Variants in ARHGEF4 observed in about 807,000 individuals in gnomAD.
ARHGEF4 encodes the protein Rho guanine nucleotide exchange factor 4, also known as APC-stimulated guanine nucleotide exchange factor 1.
A neutral mutation model predicts 162.0 loss-of-function variants in ARHGEF4; 119 were observed. That is an observed-to-expected ratio of 0.73 (90% CI 0.63 to 0.86). The LOEUF is 0.86. Among genes scored for constraint, ARHGEF4 ranks in the 40% least tolerant of loss-of-function variants. ARHGEF4 has a pLI of 0.00. For missense variants in ARHGEF4, 2,488 were observed against 2,456.0 expected (o/e 1.01, Z -0.28); for synonymous variants, 1,014 against 979.9 (o/e 1.03, Z -0.65).
At chr2:131,034,088 T>C (rs1690052686) in intron 5 of ARHGEF4, among the ~76,000 whole-genome samples, 1 of 152,166 alleles carries the variant, frequency 6.6e-6, no homozygotes, top group Non-Finnish European at 1.5e-5. Context: ...GGCCAAGAGC[T>C]GGCCACACAC....
intron 1 of ARHGEF4, among the ~76,000 whole-genome samples, chr2:130,846,826 G>A (rs1574086714): frequency 6.6e-6 from 1 of 152,134 alleles, no homozygotes; most frequent in African/African-American, 2.4e-5. Flanking sequence ...ACATGAGTCC[G>A]GAGAGTCTTG....
chr2:130,866,064 T>C (rs1302930308), intron 1 of ARHGEF4, among the ~76,000 whole-genome samples: 1 of 152,092 alleles, frequency 6.6e-6, no homozygotes, highest in African/African-American at 2.4e-5. Context: ...AGGAAAACTT[T>C]AGGGTCGAAT....
chr2:130,922,480 T>G (rs1325626093), intron 2 of ARHGEF4, among the ~76,000 whole-genome samples: 1 of 152,138 alleles, frequency 6.6e-6, no homozygotes, highest in East Asian at 1.9e-4. Context: ...AGGCTCAAAT[T>G]TTTTAAAGAA....
intron 4 of ARHGEF4, among the ~76,000 whole-genome samples, chr2:130,983,344 T>G (rs986896065): frequency 2.0e-5 from 3 of 152,236 alleles, no homozygotes; most frequent in Non-Finnish European, 4.4e-5. Context: ...TCAGCTGTTT[T>G]CATTAAACCA....
chr2:131,010,437 G>A (rs569402928), intron 4 of ARHGEF4, among the ~76,000 whole-genome samples: 4 of 152,314 alleles, frequency 2.6e-5, no homozygotes, highest in African/African-American at 9.6e-5. Context: ...TTGTCTGATA[G>A]TAGCCATTCC....
chr2:130,873,204 C>T (rs1678602036), intron 1 of ARHGEF4, among the ~76,000 whole-genome samples: 1 of 152,004 alleles, frequency 6.6e-6, no homozygotes, highest in African/African-American at 2.4e-5. Flanking sequence ...TGTCAAATGG[C>T]GATACAGTGC....
chr2:130,908,642 C>G (rs1254576095), intron 1 of ARHGEF4, among the ~76,000 whole-genome samples: 1 of 152,036 alleles, frequency 6.6e-6, no homozygotes, highest in East Asian at 1.9e-4. Context: ...CGCCATTGCA[C>G]TCCAGCCCAG....
chr2:130,891,563 C>T (rs1679864893), intron 1 of ARHGEF4, among the ~76,000 whole-genome samples: 1 of 152,180 alleles, frequency 6.6e-6, no homozygotes, highest in South Asian at 2.1e-4. Context: ...AATTTATTTG[C>T]TCACAGTTCT....
chr2:131,041,706 A>G, intron 9 of ARHGEF4, 109 bp from the exon 10 acceptor site: 2 of 1,470,996 alleles, frequency 1.4e-6, no homozygotes, highest in Non-Finnish European at 1.8e-6. Context: ...GATGTGGTCA[A>G]AGGGCACAGC....
At chr2:130,979,703 T>G (rs534662760) in intron 4 of ARHGEF4, among the ~76,000 whole-genome samples, 1 of 135,908 alleles carries the variant, frequency 7.4e-6, no homozygotes, top group East Asian at 2.3e-4. Context: ...GCCGCTGCAT[T>G]CCAGCCTCGG....
intron 5 of ARHGEF4, chr2:131,035,423 G>T: frequency 1.5e-6 from 1 of 652,692 alleles, no homozygotes; most frequent in Non-Finnish European, 2.1e-6. Flanking sequence ...GCGGGTGCCT[G>T]AGGGGCGTGG....
At chr2:130,982,432 G>A (rs1406248980) in intron 4 of ARHGEF4, among the ~76,000 whole-genome samples, 2 of 151,814 alleles carry the variant, frequency 1.3e-5, no homozygotes, top group Non-Finnish European at 2.9e-5. Flanking sequence ...TTTCTATTTT[G>A]TCTGTATGTG....
chr2:130,962,237 CAAAAAAA>C (rs11332592), intron 4 of ARHGEF4, among the ~76,000 whole-genome samples: 12 of 122,358 alleles, frequency 9.8e-5, no homozygotes, highest in African/African-American at 3.1e-4. Flanking sequence ...GTTTCCGTTT[CAAAAAAA>C]AAAAAAAAAA....
intron 4 of ARHGEF4, among the ~76,000 whole-genome samples, chr2:130,985,057 A>G (rs959066481): frequency 1.4e-4 from 21 of 152,154 alleles, no homozygotes; most frequent in African/African-American, 4.8e-4. Context: ...GCAAATGGAA[A>G]TTCCTTTAAA....
intron 1 of ARHGEF4, among the ~76,000 whole-genome samples, chr2:130,875,933 A>G (rs1215445602): frequency 1.3e-5 from 2 of 152,178 alleles, no homozygotes; most frequent in Non-Finnish European, 2.9e-5. Context: ...AGACAAGACC[A>G]TTTAACTTCA....
chr2:130,909,074 G>A (rs573909948), intron 1 of ARHGEF4, among the ~76,000 whole-genome samples: 1 of 152,328 alleles, frequency 6.6e-6, no homozygotes, highest in South Asian at 2.1e-4. Context: ...CATACATTGT[G>A]GGGAGTGAGG....
chr2:131,033,888 C>T (rs1330908045), intron 5 of ARHGEF4, among the ~76,000 whole-genome samples: 1 of 152,152 alleles, frequency 6.6e-6, no homozygotes, highest in Admixed American at 6.5e-5. Flanking sequence ...CATGGAAACC[C>T]CACCCACATA....
At chr2:130,951,958 C>T (rs72861475) in intron 4 of ARHGEF4, among the ~76,000 whole-genome samples, 24,784 of 152,102 alleles carry the variant, frequency 0.16, 2,202 homozygotes, top group South Asian at 0.28. Context: ...TTTCTCTCAT[C>T]TACCTCCTTT....
At position 131,002,157 on chromosome 2, in the gene ARHGEF4, A is replaced by G. The variant is rs188477893; in HGVS notation, c.3986-25788A>G. 3.8e-3 allele frequency among the ~76,000 whole-genome samples: 574 copies of G among 152,338 alleles called. 2 individuals are homozygous for G. Among genetic ancestry groups the G allele is most frequent in the African/African-American group, 0.013 (542 of 41,576 alleles). ...TACAGTGGTAAACAAGGTGCACGCAATGCCCTGTCTTCATGGAGCTTGCCG... is the reference window on the plus strand; with the variant it reads ...TACAGTGGTAAACAAGGTGCACGCAGTGCCCTGTCTTCATGGAGCTTGCCG... On this transcript the variant is annotated intron_variant, in intron 4 of 13. Transcript: ENST00000409359.
Sources: allele counts gnomAD v4.1 joint callset (sites outside exome capture counted in the v4.1 genomes callset), GRCh38; gene constraint gnomAD v4.1.1; transcripts MANE v1.5; gene names NCBI Gene and HGNC (gene_info 2026-07-23, HGNC 2026-07-21).